SCFD2: variants seen among roughly 807,000 people sequenced by gnomAD.
SCFD2 encodes sec1 family domain-containing protein 2.
Under a neutral mutation model 58.9 loss-of-function variants are expected in SCFD2, and 54 were observed. The observed-to-expected ratio is 0.92, with a 90% CI of 0.74 to 1.15. SCFD2 has a LOEUF of 1.15. SCFD2 is among the 50% of genes most tolerant of loss of function. The pLI is 0.00. For missense variants in SCFD2, 805 were observed against 836.6 expected, an observed-to-expected ratio of 0.96 and a Z score of 0.47; for synonymous variants, 321 against 335.9, an observed-to-expected ratio of 0.96 and a Z score of 0.49.
chr4:53,162,496 T>C (rs540844116), intron 4 of SCFD2, among the ~76,000 whole-genome samples: 7 of 152,312 alleles, frequency 4.6e-5, no homozygotes, highest in Non-Finnish European at 8.8e-5. Flanking sequence ...TAGTTCTAGA[T>C]CCCTGAGGAA....
chr4:53,217,057 T>C (rs1205189022), intron 4 of SCFD2, among the ~76,000 whole-genome samples: 9 of 152,250 alleles, frequency 5.9e-5, no homozygotes, highest in Non-Finnish European at 1.3e-4. Context: ...AGGAGTGCTT[T>C]ACTTCCAGCT....
At chr4:53,316,240 C>T (rs1381803670) in intron 2 of SCFD2, among the ~76,000 whole-genome samples, 1 of 152,204 alleles carries the variant, frequency 6.6e-6, no homozygotes, top group Non-Finnish European at 1.5e-5. Flanking sequence ...CTGTCTCTCT[C>T]ATAAAAGGTG....
intron 5 of SCFD2, among the ~76,000 whole-genome samples, chr4:53,052,295 T>A (rs1278576319): frequency 6.6e-6 from 1 of 152,178 alleles, no homozygotes; most frequent in African/African-American, 2.4e-5. Flanking sequence ...CTGCTCTCCC[T>A]ACCTAATTCC....
At chr4:53,176,775 C>T (rs1043683109) in intron 4 of SCFD2, among the ~76,000 whole-genome samples, 2 of 152,124 alleles carry the variant, frequency 1.3e-5, no homozygotes, top group South Asian at 2.1e-4. Context: ...ATGGTGAAAT[C>T]CCATCTCTAC....
intron 4 of SCFD2, among the ~76,000 whole-genome samples, chr4:53,227,567 T>G (rs1423384172): frequency 6.6e-6 from 1 of 152,176 alleles, no homozygotes; most frequent in Non-Finnish European, 1.5e-5. Flanking sequence ...AAAACTATAT[T>G]TGTTGTTTGG....
intron 4 of SCFD2, among the ~76,000 whole-genome samples, chr4:53,213,465 G>A (rs1046797635): frequency 2.0e-5 from 3 of 152,060 alleles, no homozygotes; most frequent in Admixed American, 6.5e-5. Context: ...CTATGATCTC[G>A]AAAGTCTACC....
intron 4 of SCFD2, among the ~76,000 whole-genome samples, chr4:53,242,020 G>T (rs1170611226): frequency 6.6e-6 from 1 of 152,182 alleles, no homozygotes; most frequent in Non-Finnish European, 1.5e-5. Context: ...TGCTGGACAG[G>T]GGCTCCCAGC....
rs1467534294 is a variant in SCFD2, at chr4:53,301,277, A to G, written c.1135+12359T>C. Among the ~76,000 whole-genome samples the G allele has an allele frequency of 3.3e-5, 5 of 152,122 alleles. No individual in the cohort carries two copies. In the East Asian group the frequency reaches 7.7e-4, roughly 23 times the overall value. ...AAATGACAAAGGGGATATCACCACC[A>G]ATCCCACAGAAATACAAATTACCAT... is the stretch of plus-strand genomic sequence containing the variant. On this transcript the variant is annotated intron_variant, in intron 3 of 8. Transcript: ENST00000401642.
intron 5 of SCFD2, among the ~76,000 whole-genome samples, chr4:52,952,555 G>C (rs1720624174): frequency 1.3e-5 from 2 of 152,056 alleles, no homozygotes; most frequent in South Asian, 4.2e-4. Context: ...GTAAACATAA[G>C]CTTTAAAATG....
intron 5 of SCFD2, among the ~76,000 whole-genome samples, chr4:53,001,135 T>C (rs1721857131): frequency 1.3e-5 from 2 of 152,216 alleles, no homozygotes; most frequent in South Asian, 4.1e-4. Context: ...GCTACCTCCT[T>C]AGAACTAAGT....
At position 53,055,746 on chromosome 4, in the gene SCFD2, C is replaced by T. The variant is rs137870129; in HGVS notation, c.1561+89587G>A. 1.6e-3 allele frequency among the ~76,000 whole-genome samples: 244 copies of T among 152,244 alleles called. 1 individual carries two copies. Among genetic ancestry groups the T allele is most frequent in the African/African-American group, 5.6e-3 (231 of 41,556 alleles). On this transcript the variant is annotated intron_variant, in intron 5 of 8. Transcript: ENST00000401642. Reference sequence around the variant, plus strand: ...AACCCACAACAAACATTAGAGTAAACGCCCTGGCACACCAAATGCCATCTG... The same window carrying T: ...AACCCACAACAAACATTAGAGTAAATGCCCTGGCACACCAAATGCCATCTG...
intron 3 of SCFD2, among the ~76,000 whole-genome samples, chr4:53,275,777 G>GT (rs1731308232): frequency 6.6e-6 from 1 of 152,134 alleles, no homozygotes; most frequent in Non-Finnish European, 1.5e-5. Flanking sequence ...GAATCACATA[G>GT]TATGTAGCCA....
At chr4:53,194,021 CT>C (rs368374960) in intron 4 of SCFD2, among the ~76,000 whole-genome samples, 14 of 152,148 alleles carry the variant, frequency 9.2e-5, no homozygotes, top group African/African-American at 2.9e-4. Flanking sequence ...TTAAAAATCA[CT>C]TTTTTAGCAC....
intron 5 of SCFD2, among the ~76,000 whole-genome samples, chr4:52,979,412 T>C (rs1016007537): frequency 1.3e-5 from 2 of 152,068 alleles, no homozygotes; most frequent in African/African-American, 4.8e-5. Context: ...CAAATATATA[T>C]ATATTAATAA....
At chr4:53,060,653 A>G (rs1723483691) in intron 5 of SCFD2, among the ~76,000 whole-genome samples, 5 of 152,178 alleles carry the variant, frequency 3.3e-5, no homozygotes, top group Admixed American at 3.3e-4. Flanking sequence ...TCTTCTATTT[A>G]ATGAGACATT....
chr4:53,352,117 CTT>C (rs1165798693), intron 2 of SCFD2, among the ~76,000 whole-genome samples: 5 of 152,144 alleles, frequency 3.3e-5, no homozygotes, highest in African/African-American at 9.7e-5. Context: ...AATCTTCTCT[CTT>C]TGATTCCTCT....
At chr4:53,032,823 G>A (rs1722651974) in intron 5 of SCFD2, among the ~76,000 whole-genome samples, 1 of 151,986 alleles carries the variant, frequency 6.6e-6, no homozygotes, top group African/African-American at 2.4e-5. Flanking sequence ...CATAAAGCAA[G>A]TTATTAGGCC....
chr4:53,103,406 C>A (rs746191444), intron 5 of SCFD2, among the ~76,000 whole-genome samples: 48 of 151,904 alleles, frequency 3.2e-4, no homozygotes, highest in Non-Finnish European at 5.9e-4. Context: ...AGGCTATAAT[C>A]CATCTATTCA....
chr4:53,142,007 C>G (rs1238326354), intron 5 of SCFD2, among the ~76,000 whole-genome samples: 1 of 152,152 alleles, frequency 6.6e-6, no homozygotes, highest in Non-Finnish European at 1.5e-5. Flanking sequence ...ACAGACACAC[C>G]CAAAATAATG....
Sources: gnomAD v4.1 joint callset for allele counts (sites outside exome capture counted in the v4.1 genomes callset) on GRCh38, gnomAD v4.1.1 for gene constraint, MANE v1.5 for transcripts, NCBI Gene and HGNC (gene_info 2026-07-23, HGNC 2026-07-21) for gene names.